The following MUC5AC variants were observed in gnomAD, a reference collection of about 807,000 sequenced individuals.
The protein encoded by MUC5AC is mucin 5AC, oligomeric mucus/gel-forming.
In MUC5AC, 158 loss-of-function variants were observed where a neutral mutation model predicts 169.7. The observed-to-expected ratio is 0.93, with a 90% CI of 0.82 to 1.06. MUC5AC has a LOEUF of 1.06. Among genes scored for constraint, MUC5AC ranks in the 50% least tolerant of loss-of-function variants. The pLI, the probability that MUC5AC is intolerant of heterozygous loss-of-function variation, is 0.00. For missense variants in MUC5AC, 4,359 were observed against 3,089.9 expected (o/e 1.41, Z -9.74); for synonymous variants, 1,975 against 1,237.0 (o/e 1.60, Z -12.52).
rs946941712 is a variant in MUC5AC at position 1,194,511 on chromosome 11, A to C, written c.15031A>C (p.Ser5011Arg). 6 of 761,788 alleles carry C rather than the reference A, an allele frequency of 7.9e-6. No homozygotes were observed. The highest frequency in any genetic ancestry group is 1.4e-5 in the Non-Finnish European group (6 of 415,792). 47.2% of individuals were successfully genotyped at this position (761,788 alleles called of 1,614,324 possible). Residue 5011 changes from serine to arginine, a missense_variant, in exon 35 of 49, where the codon AGC becomes CGC. By Grantham distance (110) the Ser-to-Arg change is moderately radical. Transcript: ENST00000621226. ...GATCATCTTCAACAACAAGGTGGTCAGCCCCGGCTTCCGGAAAAACGGCAT... is the reference window on the plus strand; with the variant it reads ...GATCATCTTCAACAACAAGGTGGTCCGCCCCGGCTTCCGGAAAAACGGCAT... ...NEIIFNNKVV[S>R]PGFRKNGIVV...
chr11:1,176,629 G>A lies in MUC5AC; in HGVS notation c.2618G>A (p.Arg873Gln), dbSNP rs977028241. The stretch of plus-strand genomic sequence containing the variant: ...TGCGTGCACAATGAGGCCAGCTACC[G>A]GGCCGGCCAGACCATCCGGGTGGGC... ...CPCVHNEASY[R>Q]AGQTIRVGCN... Residue 873 changes from arginine (R) to glutamine (Q), a missense_variant, in exon 21 of 49, where the codon CGG (arginine) becomes CAG (glutamine). Physicochemically the swap from Arg to Gln is conservative, Grantham distance 43. Coordinates refer to ENST00000621226, the MANE Select transcript of MUC5AC (RefSeq NM_001304359.2). The A allele has an allele frequency of 3.3e-5, 13 of 398,762 alleles. No individual in the cohort carries two copies. Among genetic ancestry groups the A allele is most frequent in the South Asian group, 1.3e-4 (1 of 7,872 alleles). 24.7% of individuals were successfully genotyped at this position (398,762 alleles called of 1,614,324 possible). A position where few individuals can be genotyped will look rare whatever the true frequency, so the allele number is the denominator to read the frequency against.
In MUC5AC at chr11:1,172,486, G is replaced by A. The variant is rs1012275053; in HGVS notation, c.1928G>A (p.Arg643Gln). Residue 643 changes from arginine (R) to glutamine (Q), a missense_variant, in exon 16 of 49, where the codon CGG (arginine) becomes CAG (glutamine). Transcript: ENST00000621226. ...ACCGATGCCGACGGCCCCTTCGGCC[G>A]GTGCCATGCTGCCGTGAAGCCGGGA... ...QLTDADGPFG[R>Q]CHAAVKPGTY... The A allele has an allele frequency of 3.8e-5, 15 of 398,680 alleles. No homozygotes were observed. Among genetic ancestry groups the A allele is most frequent in the South Asian group, 2.5e-4 (2 of 7,860 alleles). 24.7% of individuals were successfully genotyped at this position (398,680 alleles called of 1,614,324 possible).
chr11:1,168,001 G>A lies in MUC5AC; in HGVS notation c.1497+14G>A, dbSNP rs1182559567. On this transcript the variant is annotated intron_variant, in intron 12 of 48. Coordinates refer to ENST00000621226, the MANE Select transcript of MUC5AC (RefSeq NM_001304359.2). ...GGGGCGCAGACGGTGAGTGGAGCCT[G>A]GCAGGGCAAACCCCGGGAAGAGGGA... 1 of 1,546,808 alleles carries A rather than the reference G, an allele frequency of 6.5e-7. No individual in the cohort carries two copies. Among genetic ancestry groups the A allele is most frequent in the Non-Finnish European group, 8.7e-7 (1 of 1,144,174 alleles).
rs1283514559 is a variant in MUC5AC, at chr11:1,200,585, C to T, written c.16848C>T (p.Gly5616=). 1.3e-6 allele frequency: 1 copy of T among 764,460 alleles called. No individual in the cohort carries two copies. The highest frequency in any genetic ancestry group is 2.4e-6 in the Non-Finnish European group (1 of 417,544). The allele number at this position is 764,460 out of a possible 1,614,324, so 47.4% of individuals were successfully genotyped here. Residue 5616 remains glycine, a synonymous_variant, in exon 49 of 49, where the codon GGC becomes GGT. Coordinates refer to ENST00000621226, the MANE Select transcript of MUC5AC (RefSeq NM_001304359.2). ...AGGTGGAAGAGTGCGGCTGCATGGGCCGGCGGTGCCCTGCGCCGGGCGACA... is the reference window on the plus strand; with the variant it reads ...AGGTGGAAGAGTGCGGCTGCATGGGTCGGCGGTGCCCTGCGCCGGGCGACA... ...YTEVEECGCM[G]RRCPAPGDTQ...
rs534064153 is a variant in MUC5AC at position 1,200,868 on chromosome 11, G to T, written c.*166G>T. 36 of 517,956 alleles carry T rather than the reference G, an allele frequency of 7.0e-5. 1 individual carries two copies. The East Asian group carries it at 1.0e-3, about 15-fold the overall frequency. 32.1% of individuals were successfully genotyped at this position (517,956 alleles called of 1,614,324 possible). On this transcript the variant is annotated 3_prime_UTR_variant, in exon 49 of 49. Coordinates refer to ENST00000621226, the MANE Select transcript of MUC5AC (RefSeq NM_001304359.2). ...GGGTGTGGGCTATGGGTCACCTGCT[G>T]CCTGGAGGAGGGGCCCTTACCCACC...
chr11:1,190,470 C>T lies in MUC5AC; in HGVS notation c.12325C>T (p.Pro4109Ser), dbSNP rs1323401566. The change falls in exon 31 of 49, where the codon CCT (proline) becomes TCT (serine). Residue 4109 changes from proline (P) to serine (S), a missense_variant. Coordinates refer to ENST00000621226, the MANE Select transcript of MUC5AC (RefSeq NM_001304359.2). ...STPQTSTTSA[P>S]TTSTIPASTP... ...TCCACAGACCAGCACAACCTCTGCCCCTACAACCAGCACAATCCCTGCTTC... is the reference window on the plus strand; with the variant it reads ...TCCACAGACCAGCACAACCTCTGCCTCTACAACCAGCACAATCCCTGCTTC... 5 of 698,028 alleles carry T rather than the reference C, an allele frequency of 7.2e-6. No individual in the cohort carries two copies. The highest frequency in any genetic ancestry group is 4.0e-5 in the Admixed American group (2 of 49,770). 43.2% of individuals were successfully genotyped at this position (698,028 alleles called of 1,614,324 possible). A position where few individuals can be genotyped will look rare whatever the true frequency, so the allele number is the denominator to read the frequency against.
chr11:1,196,738 G>A lies in MUC5AC; in HGVS notation c.15829+18G>A. The A allele has an allele frequency of 5.4e-6, 4 of 744,418 alleles. No homozygotes were observed. Among genetic ancestry groups the A allele is most frequent in the Non-Finnish European group, 7.3e-6 (3 of 408,300 alleles). 46.1% of individuals were successfully genotyped at this position (744,418 alleles called of 1,614,324 possible). On this transcript the variant is annotated intron_variant, in intron 39 of 48. Transcript: ENST00000621226. ...CTGCCCCAGTACGTGCCCCAGGCCGGGGCTGGGGGGTGTGGCAGGACTGGG... is the reference window on the plus strand; with the variant it reads ...CTGCCCCAGTACGTGCCCCAGGCCGAGGCTGGGGGGTGTGGCAGGACTGGG...
At position 1,164,294 on chromosome 11, in the gene MUC5AC, G is replaced by C; in HGVS notation, c.978G>C (p.Gln326His). ...RQCTHAGGLP[Q>H]DWRGPDFCPQ... Reference sequence around the variant, plus strand: ...GCACCCATGCAGGGGGGTTGCCCCAGGACTGGCGGGGCCCTGACTTCTGCC... The same window carrying C: ...GCACCCATGCAGGGGGGTTGCCCCACGACTGGCGGGGCCCTGACTTCTGCC... The change falls in exon 8 of 49, where the codon CAG becomes CAC. Residue 326 changes from glutamine to histidine, a missense_variant. Transcript: ENST00000621226. The C allele has an allele frequency of 1.2e-6, 2 of 1,612,366 alleles. No individual in the cohort carries two copies. The highest frequency in any genetic ancestry group is 1.7e-6 in the Non-Finnish European group (2 of 1,179,858).
chr11:1,174,639 C>G lies in MUC5AC; in HGVS notation c.2092+17C>G, dbSNP rs36164074. ...GCGTCTGCAGTGAGTGCCTGCCAAG[C>G]CCAGCCCCTTTCCCTCGCTGGGTGG... On this transcript the variant is annotated intron_variant, in intron 17 of 48. Coordinates refer to ENST00000621226, the MANE Select transcript of MUC5AC (RefSeq NM_001304359.2). 0.18 allele frequency: 176,850 copies of G among 982,736 alleles called. 17,850 individuals carry two copies. Among genetic ancestry groups the G allele is most frequent in the Non-Finnish European group, 0.21 (137,179 of 661,920 alleles). The allele number at this position is 982,736 out of a possible 1,614,324, so 60.9% of individuals were successfully genotyped here.
intron 30 of MUC5AC, among the ~76,000 whole-genome samples, chr11:1,181,689 C>G (rs906984825): frequency 3.3e-5 from 5 of 152,056 alleles, no homozygotes; most frequent in Non-Finnish European, 7.4e-5. Context: ...GCAGGCCTGG[C>G]GTCCAAGTCC....
rs145633450 is a variant in MUC5AC, at chr11:1,163,953, C to A, written c.751C>A (p.Pro251Thr). ...MDDPTDQCQD[P>T]VPEPPRNCST... ...CGACCCCACGGACCAGTGTCAGGACCCTGTCCCTGAACCCCCGAGGAACTG... is the reference window on the plus strand; with the variant it reads ...CGACCCCACGGACCAGTGTCAGGACACTGTCCCTGAACCCCCGAGGAACTG... Residue 251 changes from proline to threonine, a missense_variant, in exon 7 of 49, where the codon CCT (proline) becomes ACT (threonine). Coordinates refer to ENST00000621226, the MANE Select transcript of MUC5AC (RefSeq NM_001304359.2). The A allele has an allele frequency of 2.5e-5, 41 of 1,611,406 alleles. No homozygotes were observed. In the African/African-American group the frequency reaches 4.4e-4, roughly 17 times the overall value.
At chr11:1,177,714 G>C (rs2133746238) in intron 24 of MUC5AC, 81 bp downstream of exon 24, 2 of 397,852 alleles carry the variant, frequency 5.0e-6, no homozygotes, top group East Asian at 7.1e-5. Context: ...GCAGAGACGA[G>C]AGGCACAGAG....
Position 1,197,616 on chromosome 11 carries a change from A to G in MUC5AC, c.16010A>G (p.Gln5337Arg), listed in dbSNP as rs560127216. The part of the protein sequence containing the change: ...VPVPAAPQAG[Q>R]CCPQYSCACN... ...GTGCCTGCAGCCCCACAGGCCGGCC[A>G]GTGCTGCCCCCAGTACAGCTGCGGT... The change falls in exon 41 of 49, where the codon CAG becomes CGG. Residue 5337 changes from glutamine (Q) to arginine (R), a missense_variant. By Grantham distance (43) the Gln-to-Arg change is conservative. Transcript: ENST00000621226. 35 of 724,928 alleles carry G rather than the reference A, an allele frequency of 4.8e-5. No individual in the cohort carries two copies. In the African/African-American group the frequency reaches 5.8e-4, roughly 12 times the overall value. The allele number at this position is 724,928 out of a possible 1,614,324, so 44.9% of individuals were successfully genotyped here. A position where few individuals can be genotyped will look rare whatever the true frequency, so the allele number is the denominator to read the frequency against.
At chr11:1,173,129 CTCAT>C in intron 16 of MUC5AC, among the ~76,000 whole-genome samples, 1 of 151,664 alleles carries the variant, frequency 6.6e-6, no homozygotes, top group African/African-American at 2.4e-5. Flanking sequence ...TCTTCACTGA[CTCAT>C]TCACTCATTT....
chr11:1,196,580 G>T, intron 38 of MUC5AC, 37 bp from the exon 39 acceptor site: 2 of 761,758 alleles, frequency 2.6e-6, no homozygotes, highest in Non-Finnish European at 2.4e-6. Flanking sequence ...CTCACCGGAG[G>T]GAAAAAGGAG....
At chr11:1,168,599 G>T in intron 13 of MUC5AC, 43 bp from the exon 14 acceptor site, 1 of 1,612,266 alleles carries the variant, frequency 6.2e-7, no homozygotes, top group African/African-American at 1.3e-5. Context: ...CTGGGGTCCC[G>T]CCCCACAGCC....
At chr11:1,162,270 A>C in intron 4 of MUC5AC, 102 bp downstream of exon 4, 22 of 1,495,748 alleles carry the variant, frequency 1.5e-5, no homozygotes, top group Non-Finnish European at 1.7e-5. Context: ...TGGATTTCTC[A>C]GGAAGCCCCT....
chr11:1,168,774 C>T lies in MUC5AC; in HGVS notation c.1700C>T (p.Thr567Ile). The T allele has an allele frequency of 1.9e-6, 3 of 1,599,602 alleles. No individual in the cohort carries two copies. The highest frequency in any genetic ancestry group is 1.7e-5 in the Admixed American group (1 of 59,462). The change falls in exon 14 of 49, where the codon ACC (threonine) becomes ATC (isoleucine). Residue 567 changes from threonine (T) to isoleucine (I), a missense_variant. By Grantham distance (89) the Thr-to-Ile change is moderately conservative. Coordinates refer to ENST00000621226, the MANE Select transcript of MUC5AC (RefSeq NM_001304359.2). The part of the protein sequence containing the change: ...MQLAPKLRGQ[T>I]CGLCGNFNSI... ...CTGGCGCCCAAGCTCCGTGGGCAGA[C>T]CTGCGGTAAGAGGGCTGCCTTCTGG...
At chr11:1,173,099 C>T (rs1489865436) in intron 16 of MUC5AC, among the ~76,000 whole-genome samples, 2 of 133,956 alleles carry the variant, frequency 1.5e-5, no homozygotes, top group African/African-American at 6.8e-5. Flanking sequence ...CTCACTCACT[C>T]ACTCATTCAT....
Sources: gnomAD v4.1 joint callset for allele counts (sites outside exome capture counted in the v4.1 genomes callset) on GRCh38, gnomAD v4.1.1 for gene constraint, MANE v1.5 for transcripts, NCBI Gene and HGNC (gene_info 2026-07-23, HGNC 2026-07-21) for gene names.